Variants in CCSER1 observed in about 807,000 individuals in gnomAD.
CCSER1 encodes coiled-coil serine rich protein 1, also known as serine-rich coiled-coil domain-containing protein 1.
In CCSER1, 41 loss-of-function variants were observed where a neutral mutation model predicts 82.0. The ratio of observed to expected loss-of-function variants is 0.50; its 90% CI spans 0.39 to 0.65. CCSER1 has a LOEUF of 0.65. Ranked by LOEUF, CCSER1 falls within the 30% of genes least tolerant of loss-of-function variation. CCSER1 has a pLI of 0.00. For synonymous variants in CCSER1, 414 were observed against 383.9 expected, an observed-to-expected ratio of 1.08 and a Z score of -0.92; for missense variants, 1,119 against 1,064.2, an observed-to-expected ratio of 1.05 and a Z score of -0.72.
chr4:90,229,921 C>G (rs1430265062), intron 1 of CCSER1, among the ~76,000 whole-genome samples: 4 of 152,162 alleles, frequency 2.6e-5, no homozygotes, highest in African/African-American at 9.7e-5. Flanking sequence ...GAAGAGCTAA[C>G]TATCCTAAAT....
chr4:90,813,801 C>T (rs955737701), intron 7 of CCSER1, among the ~76,000 whole-genome samples: 5 of 152,122 alleles, frequency 3.3e-5, no homozygotes, highest in Non-Finnish European at 5.9e-5. Context: ...TAATACAGTG[C>T]CTGTGGCTTT....
intron 5 of CCSER1, among the ~76,000 whole-genome samples, chr4:90,543,947 C>T (rs1249954085): frequency 6.6e-6 from 1 of 152,066 alleles, no homozygotes; most frequent in Non-Finnish European, 1.5e-5. Context: ...AATGAGTGAG[C>T]CTGTCACAGT....
chr4:91,015,953 G>A (rs1025498307), intron 9 of CCSER1, among the ~76,000 whole-genome samples: 2 of 151,926 alleles, frequency 1.3e-5, no homozygotes, highest in African/African-American at 4.8e-5. Flanking sequence ...GAAAAATTAT[G>A]TAGGCTTGGT....
At chr4:90,574,196 T>C (rs936575340) in intron 5 of CCSER1, among the ~76,000 whole-genome samples, 5 of 151,552 alleles carry the variant, frequency 3.3e-5, no homozygotes, top group Admixed American at 1.3e-4. Flanking sequence ...CTTGTTTACA[T>C]TGGCATTATA....
rs200201277 is a variant in CCSER1 at position 90,437,274 on chromosome 4, C to T, written c.1604-30960C>T. Among the ~76,000 whole-genome samples the T allele has an allele frequency of 1.1e-4, 16 of 147,916 alleles. No individual in the cohort carries two copies. The East Asian group carries it at 1.4e-3, about 13-fold the overall frequency. On this transcript the variant is annotated intron_variant, in intron 4 of 10. Transcript: ENST00000509176. ...ACATACGCACACATGCACACATGCG[C>T]GCGCACACACACACATATATATATA...
intron 9 of CCSER1, among the ~76,000 whole-genome samples, chr4:90,933,519 A>G (rs1006544976): frequency 6.6e-6 from 1 of 151,704 alleles, no homozygotes; most frequent in Non-Finnish European, 1.5e-5. Context: ...TATGAAAAAG[A>G]TGCTACAGAC....
intron 10 of CCSER1, among the ~76,000 whole-genome samples, chr4:91,450,540 C>T (rs528650484): frequency 3.6e-4 from 55 of 151,962 alleles, no homozygotes; most frequent in Non-Finnish European, 7.5e-4. Context: ...GAGAAACAAA[C>T]GAGATGGGCC....
At chr4:90,267,344 G>A (rs907405254) in intron 1 of CCSER1, among the ~76,000 whole-genome samples, 4 of 152,074 alleles carry the variant, frequency 2.6e-5, no homozygotes, top group African/African-American at 9.7e-5. Flanking sequence ...GAACTAGGTA[G>A]ATTCCTAAGG....
chr4:91,200,930 A>C (rs2149066578), intron 10 of CCSER1, among the ~76,000 whole-genome samples: 1 of 151,800 alleles, frequency 6.6e-6, no homozygotes, highest in Non-Finnish European at 1.5e-5. Flanking sequence ...AGTCTTTTAC[A>C]AAATCTAGTT....
At chr4:90,342,135 T>C (rs1393088054) in intron 3 of CCSER1, among the ~76,000 whole-genome samples, 1 of 152,180 alleles carries the variant, frequency 6.6e-6, no homozygotes, top group Admixed American at 6.5e-5. Context: ...AAAATCTGAA[T>C]TGAATACAAG....
At chr4:91,323,514 A>G (rs1746340244) in intron 10 of CCSER1, among the ~76,000 whole-genome samples, 3 of 152,212 alleles carry the variant, frequency 2.0e-5, no homozygotes, top group Admixed American at 2.0e-4. Context: ...TAAAATGTAC[A>G]TAATGACATA....
At chr4:91,228,736 CA>C (rs1438750592) in intron 10 of CCSER1, among the ~76,000 whole-genome samples, 1 of 151,606 alleles carries the variant, frequency 6.6e-6, no homozygotes, top group Non-Finnish European at 1.5e-5. Flanking sequence ...CACCTCATAG[CA>C]AAAAAATAAG....
intron 10 of CCSER1, among the ~76,000 whole-genome samples, chr4:91,233,202 C>T (rs771376887): frequency 2.6e-5 from 4 of 151,780 alleles, no homozygotes; most frequent in South Asian, 2.1e-4. Context: ...CTTCTCCAAG[C>T]GACTAGAGTT....
chr4:90,644,647 C>T (rs576934952), intron 6 of CCSER1, among the ~76,000 whole-genome samples: 4 of 151,756 alleles, frequency 2.6e-5, no homozygotes, highest in East Asian at 1.9e-4. Flanking sequence ...GGCCCCAGTG[C>T]GTGTTGTTCC....
chr4:90,719,613 T>C (rs1231691199), intron 6 of CCSER1, among the ~76,000 whole-genome samples: 2 of 152,154 alleles, frequency 1.3e-5, no homozygotes, highest in African/African-American at 4.8e-5. Flanking sequence ...GATTAGGTTT[T>C]TGCAGAACAT....
chr4:91,063,249 T>C (rs529851421), intron 9 of CCSER1, among the ~76,000 whole-genome samples: 2 of 152,238 alleles, frequency 1.3e-5, no homozygotes, highest in African/African-American at 4.8e-5. Context: ...GTTGCAACTT[T>C]GCAAGGTTTC....
intron 6 of CCSER1, among the ~76,000 whole-genome samples, chr4:90,652,564 A>G (rs1177925834): frequency 6.6e-6 from 1 of 152,150 alleles, no homozygotes; most frequent in Admixed American, 6.6e-5. Flanking sequence ...AAAGGAAAAG[A>G]TCTAGACCCA....
chr4:90,494,095 A>G (rs1247150533), intron 5 of CCSER1, among the ~76,000 whole-genome samples: 1 of 152,198 alleles, frequency 6.6e-6, no homozygotes, highest in Non-Finnish European at 1.5e-5. Context: ...GGAAAACAAA[A>G]AAAGGCAGGG....
intron 1 of CCSER1, among the ~76,000 whole-genome samples, chr4:90,213,583 G>A (rs1235038918): frequency 2.0e-5 from 3 of 152,130 alleles, no homozygotes; most frequent in Non-Finnish European, 4.4e-5. Flanking sequence ...TGAACTCTGA[G>A]GAGTGTGCAC....
Sources: gnomAD v4.1 joint callset for allele counts (sites outside exome capture counted in the v4.1 genomes callset) on GRCh38, gnomAD v4.1.1 for gene constraint, MANE v1.5 for transcripts, NCBI Gene and HGNC (gene_info 2026-07-23, HGNC 2026-07-21) for gene names.